Variants in DYNC2I1 observed in about 807,000 individuals in gnomAD.
DYNC2I1 encodes the protein dynein 2 intermediate chain 1, also known as cytoplasmic dynein 2 intermediate chain 1.
A neutral mutation model predicts 133.4 loss-of-function variants in DYNC2I1; 89 were observed. The observed-to-expected ratio is 0.67, with a 90% CI of 0.56 to 0.80. The LOEUF (loss-of-function observed/expected upper bound fraction) is 0.80, where lower values mean the gene tolerates loss of function less well. Among genes scored for constraint, DYNC2I1 ranks in the 30% least tolerant of loss-of-function variants. The pLI, the probability that DYNC2I1 is intolerant of heterozygous loss-of-function variation, is 0.00. For missense variants in DYNC2I1, 1,291 were observed against 1,314.5 expected, an observed-to-expected ratio of 0.98 and a Z score of 0.28; for synonymous variants, 504 against 484.3, an observed-to-expected ratio of 1.04 and a Z score of -0.54.
At chr7:158,885,490 T>TA (rs918895662) in intron 6 of DYNC2I1, among the ~76,000 whole-genome samples, 1 of 151,958 alleles carries the variant, frequency 6.6e-6, no homozygotes, top group Admixed American at 6.6e-5. Context: ...TACAGGCACA[T>TA]ACCACCACAC....
At chr7:158,897,207 C>T (rs1261956824) in intron 8 of DYNC2I1, among the ~76,000 whole-genome samples, 1 of 151,842 alleles carries the variant, frequency 6.6e-6, no homozygotes, top group Non-Finnish European at 1.5e-5. Flanking sequence ...TAGTCTCAAA[C>T]TCTTGACCTC....
intron 11 of DYNC2I1, among the ~76,000 whole-genome samples, chr7:158,908,290 GAA>G (rs1847044952): frequency 6.6e-6 from 1 of 151,600 alleles, no homozygotes; most frequent in Non-Finnish European, 1.5e-5. Flanking sequence ...AAAAAAAAAT[GAA>G]AAAGAGAGCA....
At chr7:158,863,659 G>C (rs1186586698) in intron 1 of DYNC2I1, among the ~76,000 whole-genome samples, 10 of 66,984 alleles carry the variant, frequency 1.5e-4, no homozygotes, top group Non-Finnish European at 1.8e-4. Context: ...TCCTTAGCTG[G>C]GGGGGGGTGT....
intron 1 of DYNC2I1, among the ~76,000 whole-genome samples, chr7:158,867,479 C>T (rs1187335870): frequency 6.6e-6 from 1 of 152,186 alleles, no homozygotes; most frequent in African/African-American, 2.4e-5. Flanking sequence ...GAGACCAGCG[C>T]GGATCTTGTA....
chr7:158,920,601 G>C (rs1230686796), intron 15 of DYNC2I1, among the ~76,000 whole-genome samples: 1 of 151,608 alleles, frequency 6.6e-6, no homozygotes, highest in Non-Finnish European at 1.5e-5. Flanking sequence ...GTGCATGTGT[G>C]TACTGCAGTG....
intron 1 of DYNC2I1, among the ~76,000 whole-genome samples, chr7:158,866,227 C>T (rs551372230): frequency 1.5e-4 from 22 of 150,874 alleles, no homozygotes; most frequent in Admixed American, 5.9e-4. Flanking sequence ...GCAGCGCCCA[C>T]GTCTCCTGGT....
At chr7:158,879,317 C>A (rs1025003662) in intron 4 of DYNC2I1, among the ~76,000 whole-genome samples, 1 of 152,034 alleles carries the variant, frequency 6.6e-6, no homozygotes, top group East Asian at 1.9e-4. Flanking sequence ...ACAGTCGTCC[C>A]TTGGTATCCA....
rs917986732 is a variant in DYNC2I1, at chr7:158,856,630, C to G, written c.-106C>G. 1.6e-5 allele frequency: 19 copies of G among 1,163,502 alleles called. No individual in the cohort carries two copies. The African/African-American group carries it at 2.5e-4, about 16-fold the overall frequency. 72.1% of individuals were successfully genotyped at this position (1,163,502 alleles called of 1,614,324 possible). ...GCTCCTGCTTGTCGGTTGCTAGGCG[C>G]TGGGACGCGCCTCCCGAAGGGTGCG... On this transcript the variant is annotated 5_prime_UTR_variant, in exon 1 of 25. Transcript: ENST00000407559.
intron 14 of DYNC2I1, among the ~76,000 whole-genome samples, chr7:158,918,140 A>G (rs899277975): frequency 2.6e-5 from 4 of 152,038 alleles, no homozygotes; most frequent in East Asian, 1.9e-4. Flanking sequence ...TCAGTTCCCA[A>G]TGAACACTTC....
intron 7 of DYNC2I1, among the ~76,000 whole-genome samples, chr7:158,889,679 C>T (rs995260910): frequency 2.0e-5 from 3 of 151,058 alleles, no homozygotes; most frequent in African/African-American, 7.3e-5. Context: ...ATAGGAAGTC[C>T]TCATCTATAT....
At chr7:158,869,303 G>A (rs996661997) in intron 1 of DYNC2I1, 2 of 344,826 alleles carry the variant, frequency 5.8e-6, no homozygotes, top group African/African-American at 2.2e-5. Context: ...CCTCTGGGCT[G>A]TGGCATCTGC....
At chr7:158,881,830 C>G (rs28679564) in intron 5 of DYNC2I1, among the ~76,000 whole-genome samples, 33,067 of 152,084 alleles carry the variant, frequency 0.22, 3,755 homozygotes, top group Middle Eastern at 0.28. Flanking sequence ...CGAACATTTT[C>G]AAACATACAG....
chr7:158,884,879 A>G (rs1844443370), intron 6 of DYNC2I1, among the ~76,000 whole-genome samples: 1 of 151,932 alleles, frequency 6.6e-6, no homozygotes, highest in African/African-American at 2.4e-5. Flanking sequence ...TTTCATTTTA[A>G]TATTATTGTT....
chr7:158,877,998 A>T (rs954837143), intron 4 of DYNC2I1, among the ~76,000 whole-genome samples: 1 of 152,174 alleles, frequency 6.6e-6, no homozygotes, highest in Non-Finnish European at 1.5e-5. Context: ...GGAGGCCAGG[A>T]GGGCTGACTG....
chr7:158,887,031 A>G lies in DYNC2I1; in HGVS notation c.946A>G (p.Asn316Asp). 6.2e-7 allele frequency: 1 copy of G among 1,613,946 alleles called. No homozygotes were observed. The highest frequency in any genetic ancestry group is 8.5e-7 in the Non-Finnish European group (1 of 1,179,842). The change falls in exon 7 of 25, where the codon AAT (asparagine) becomes GAT (aspartate). Residue 316 changes from asparagine (N) to aspartate (D), a missense_variant. By Grantham distance (23) the Asn-to-Asp change is conservative. Coordinates refer to ENST00000407559, the MANE Select transcript of DYNC2I1 (RefSeq NM_018051.5). ...RDGTSSQHAE[N>D]LVRNHGKDKD... is the part of the protein sequence containing the mutation. The stretch of plus-strand genomic sequence containing the variant: ...ATGTTTGCTTTCCAGGCATGCTGAG[A>G]ATTTAGTAAGGAATCATGGAAAAGA...
At chr7:158,940,148 A>G (rs1282041454) in intron 23 of DYNC2I1, among the ~76,000 whole-genome samples, 2 of 152,170 alleles carry the variant, frequency 1.3e-5, no homozygotes, top group Non-Finnish European at 2.9e-5. Flanking sequence ...GTGGTCCCCA[A>G]CCTTTTTGGC....
rs71189438 is a variant in DYNC2I1 at position 158,937,622 on chromosome 7, G to GAAAAAAAAAAAAAAAAAAAAAAAAAAAAA, written c.2778+3086_2778+3087insAAAAAAAAAAAAAAAAAAAAAAAAAAAAA. 1.6e-4 allele frequency among the ~76,000 whole-genome samples: 17 copies of GAAAAAAAAAAAAAAAAAAAAAAAAAAAAA among 109,452 alleles called. 2 individuals carry two copies. Among genetic ancestry groups the GAAAAAAAAAAAAAAAAAAAAAAAAAAAAA allele is most frequent in the African/African-American group, 2.2e-4 (6 of 27,268 alleles). The allele number at this position is 109,452 out of a possible 152,430, so 71.8% of individuals were successfully genotyped here. On this transcript the variant is annotated intron_variant, in intron 23 of 24. Coordinates refer to ENST00000407559, the MANE Select transcript of DYNC2I1 (RefSeq NM_018051.5). ...GGGTGACAGGGTGAGACTGTCTCAA[G>GAAAAAAAAAAAAAAAAAAAAAAAAAAAAA]AAAAAAAAAAAAAGACACAAGGCTG...
chr7:158,857,999 C>T (rs1403094257), intron 1 of DYNC2I1, among the ~76,000 whole-genome samples: 1 of 152,118 alleles, frequency 6.6e-6, no homozygotes, highest in Non-Finnish European at 1.5e-5. Flanking sequence ...CCATGTTGGT[C>T]AGGCTGGTCT....
intron 3 of DYNC2I1, 131 bp from the exon 4 acceptor site, chr7:158,876,478 T>C: frequency 8.5e-7 from 1 of 1,182,918 alleles, no homozygotes; most frequent in Non-Finnish European, 1.1e-6. Context: ...GCATGTGTTT[T>C]AGTTGAAGAA....
Sources: allele counts gnomAD v4.1 joint callset (sites outside exome capture counted in the v4.1 genomes callset), GRCh38; gene constraint gnomAD v4.1.1; transcripts MANE v1.5; gene names NCBI Gene and HGNC (gene_info 2026-07-23, HGNC 2026-07-21).